Variants in PTBP3 observed in about 807,000 individuals in gnomAD.
PTBP3 encodes the protein polypyrimidine tract binding protein 3.
In PTBP3, 20 loss-of-function variants were observed where a neutral mutation model predicts 58.7. That is an observed-to-expected ratio of 0.34 (90% CI 0.24 to 0.50). The LOEUF (loss-of-function observed/expected upper bound fraction) is 0.50. PTBP3 is among the 20% of genes least tolerant of loss of function. PTBP3 has a pLI of 0.98. For missense variants in PTBP3, 509 were observed against 637.2 expected, an observed-to-expected ratio of 0.80 and a Z score of 2.17; for synonymous variants, 185 against 219.8, an observed-to-expected ratio of 0.84 and a Z score of 1.40.
Position 112,232,206 on chromosome 9 carries a change from C to G in PTBP3, c.913G>C (p.Gly305Arg), listed in dbSNP as rs746240164. ...GCAGAAGAGGTGATTGTGAGAGGAC[C>G]AAGAGCTCCAGGAACAGCTGGAACT... ...LSVPAVPGAL[G>R]PLTITSSAVT... The change falls in exon 9 of 14, where the codon GGT (glycine) becomes CGT (arginine). Residue 305 changes from glycine (G) to arginine (R), a missense_variant. Physicochemically the swap from Gly to Arg is moderately radical, Grantham distance 125. This residue lies in a region of PTBP3 where 121 missense variants were observed against 114.8 expected (regional missense o/e 1.05). Coordinates refer to ENST00000374257, the MANE Select transcript of PTBP3 (RefSeq NM_001163788.4). 2.5e-6 allele frequency: 4 copies of G among 1,610,932 alleles called. No individual in the cohort carries two copies. In the Admixed American group the frequency reaches 6.7e-5, roughly 27 times the overall value.
At chr9:112,242,734 G>A (rs1835709502) in intron 7 of PTBP3, 2 of 152,206 alleles carry the variant, frequency 1.3e-5, no homozygotes, top group Non-Finnish European at 2.9e-5. Context: ...CCGAACTTAA[G>A]TGTAGACATC....
At chr9:112,331,420 C>A (rs1026825393) in intron 1 of PTBP3, among the ~76,000 whole-genome samples, 1 of 152,118 alleles carries the variant, frequency 6.6e-6, no homozygotes, top group Non-Finnish European at 1.5e-5. Flanking sequence ...AAGAAAGCTA[C>A]GAATACATTC....
intron 7 of PTBP3, among the ~76,000 whole-genome samples, chr9:112,238,687 G>A (rs1835527308): frequency 7.3e-6 from 1 of 136,852 alleles, no homozygotes; most frequent in South Asian, 2.3e-4. Context: ...AGAAAAAACA[G>A]AGCAGCAGTT....
chr9:112,379,860 C>T, the PTBP3 span: 3 of 524,482 alleles, frequency 5.7e-6, no homozygotes, highest in Admixed American at 3.9e-5. Context: ...CGACAGGAGC[C>T]TGATTGTCAC....
At chr9:112,355,224 A>C in the PTBP3 span, among the ~76,000 whole-genome samples, 1 of 152,318 alleles carries the variant, frequency 6.6e-6, no homozygotes, top group South Asian at 2.1e-4. Flanking sequence ...GAATCTACTG[A>C]AAGGAGGAGG....
chr9:112,252,789 C>A lies in PTBP3; in HGVS notation c.517-1G>T. The A allele has an allele frequency of 6.5e-7, 1 of 1,528,756 alleles. No homozygotes were observed. Among genetic ancestry groups the A allele is most frequent in the Non-Finnish European group, 9.0e-7 (1 of 1,105,068 alleles). 94.7% of individuals were successfully genotyped at this position (1,528,756 alleles called of 1,614,324 possible). ...AGACTGTGCCAAATTTAGAAAATAT[C>A]TGGAAAACAGTTCACATTAGGTTAA... On this transcript the variant is annotated splice_acceptor_variant, in intron 5 of 13. Transcript: ENST00000374257. LOFTEE classifies it high-confidence loss of function.
chr9:112,359,836 A>G, the PTBP3 span, among the ~76,000 whole-genome samples: 1 of 77,324 alleles, frequency 1.3e-5, no homozygotes, highest in Non-Finnish European at 3.1e-5. Context: ...TAAAAACAAA[A>G]CACCAAAAAA....
At chr9:112,266,130 T>C (rs1156353077) in intron 4 of PTBP3, among the ~76,000 whole-genome samples, 1 of 152,112 alleles carries the variant, frequency 6.6e-6, no homozygotes, top group Non-Finnish European at 1.5e-5. Context: ...TACTGTATAA[T>C]GGATAGAGTG....
chr9:112,265,263 G>A lies in PTBP3; in HGVS notation c.352-2664C>T, dbSNP rs372963158. Reference sequence around the variant, plus strand: ...CACGCCCATAATCCTAGCACTTTGGGAGACAGAGGCGGGTGGATCACCTGA... The same window carrying A: ...CACGCCCATAATCCTAGCACTTTGGAAGACAGAGGCGGGTGGATCACCTGA... On this transcript the variant is annotated intron_variant, in intron 4 of 13. Transcript: ENST00000374257. Among the ~76,000 whole-genome samples the A allele has an allele frequency of 2.3e-3, 343 of 152,204 alleles. 1 individual carries two copies. The highest frequency in any genetic ancestry group is 4.8e-3 in the South Asian group (23 of 4,820).
At chr9:112,234,732 A>G in intron 8 of PTBP3, 88 bp downstream of exon 8, 1 of 1,278,568 alleles carries the variant, frequency 7.8e-7, no homozygotes, top group Non-Finnish European at 1.1e-6. Flanking sequence ...AAATTCTTCA[A>G]ATATGATAAC....
the PTBP3 span, among the ~76,000 whole-genome samples, chr9:112,344,081 C>A: frequency 6.6e-6 from 1 of 151,980 alleles, no homozygotes; most frequent in Non-Finnish European, 1.5e-5. Context: ...TTCTGATAAA[C>A]AAAAACTTTT....
intron 2 of PTBP3, among the ~76,000 whole-genome samples, chr9:112,276,310 A>T (rs1438092383): frequency 1.3e-5 from 2 of 152,178 alleles, no homozygotes; most frequent in African/African-American, 2.4e-5. Flanking sequence ...AATACCTCTA[A>T]ATACTCAACT....
At chr9:112,277,431 TTC>T (rs1827655414) in intron 2 of PTBP3, among the ~76,000 whole-genome samples, 1 of 152,166 alleles carries the variant, frequency 6.6e-6, no homozygotes, top group Admixed American at 6.5e-5. Context: ...ACTGATTATA[TTC>T]TTTCATTTCC....
At chr9:112,316,755 TA>T (rs1829718907) in intron 1 of PTBP3, among the ~76,000 whole-genome samples, 1 of 148,766 alleles carries the variant, frequency 6.7e-6, no homozygotes, top group African/African-American at 2.5e-5. Context: ...CATTTAATGC[TA>T]AGGTCAGGAG....
chr9:112,226,398 CCCT>C (rs2131951093), intron 12 of PTBP3, among the ~76,000 whole-genome samples: 1 of 152,220 alleles, frequency 6.6e-6, no homozygotes, highest in South Asian at 2.1e-4. Context: ...CCTCTCTATA[CCCT>C]CAAGTTTTTA....
intron 2 of PTBP3, chr9:112,281,294 C>G (rs926435402): frequency 5.6e-5 from 10 of 179,382 alleles, no homozygotes; most frequent in Non-Finnish European, 6.1e-5. Context: ...CCAACTATTG[C>G]TTACAATACT....
the PTBP3 span, among the ~76,000 whole-genome samples, chr9:112,371,507 T>C: frequency 2.0e-5 from 3 of 152,316 alleles, no homozygotes; most frequent in South Asian, 6.2e-4. Context: ...ATAAAATTAT[T>C]ACCTTGGAGA....
At position 112,222,332 on chromosome 9, in the gene PTBP3, A is replaced by G; in HGVS notation, c.*1519T>C. ...CTTACATTCAATGAAAAAGAGAGGG[A>G]CAGAGTATGAGAAATAACCCACCTT... On this transcript the variant is annotated 3_prime_UTR_variant, in exon 14 of 14. Transcript: ENST00000374257. 4.1e-6 allele frequency: 4 copies of G among 981,380 alleles called. No individual in the cohort carries two copies. The highest frequency in any genetic ancestry group is 4.8e-6 in the Non-Finnish European group (4 of 825,856). The allele number at this position is 981,380 out of a possible 1,614,324, so 60.8% of individuals were successfully genotyped here.
At chr9:112,315,194 A>G (rs554792938) in intron 1 of PTBP3, among the ~76,000 whole-genome samples, 4 of 152,260 alleles carry the variant, frequency 2.6e-5, no homozygotes, top group East Asian at 1.9e-4. Context: ...GTGTACACAG[A>G]ACATTCATAA....
Sources: gnomAD v4.1 joint callset for allele counts (sites outside exome capture counted in the v4.1 genomes callset) on GRCh38, gnomAD v4.1.1 for gene constraint, gnomAD v4.1.1 regional missense constraint, MANE v1.5 for transcripts, NCBI Gene and HGNC (gene_info 2026-07-23, HGNC 2026-07-21) for gene names.